NR2F1-AS1: variants seen among roughly 807,000 people sequenced by gnomAD.
NR2F1-AS1 encodes the protein NR2F1 regulatory antisense RNA 1.
At chr5:93,565,982 A>C (rs1398631201) in intron 1 of NR2F1-AS1, among the ~76,000 whole-genome samples, 1 of 151,930 alleles carries the variant, frequency 6.6e-6, no homozygotes, top group Non-Finnish European at 1.5e-5. Context: ...CTGTACTTTA[A>C]ATACATTCAA....
At chr5:93,544,340 G>A (rs187116210) in intron 4 of NR2F1-AS1, among the ~76,000 whole-genome samples, 2 of 152,232 alleles carry the variant, frequency 1.3e-5, no homozygotes, top group South Asian at 2.1e-4. Context: ...TTAGAAGACA[G>A]AAACTTTCAT....
intron 4 of NR2F1-AS1, among the ~76,000 whole-genome samples, chr5:93,435,372 A>G (rs918134710): frequency 6.6e-6 from 1 of 152,178 alleles, no homozygotes; most frequent in African/African-American, 2.4e-5. Flanking sequence ...GACATGTCCC[A>G]TCATAATTGG....
intron 4 of NR2F1-AS1, among the ~76,000 whole-genome samples, chr5:93,547,876 C>T (rs1752125628): frequency 6.6e-6 from 1 of 151,964 alleles, no homozygotes; most frequent in African/African-American, 2.4e-5. Context: ...ATGATATTGA[C>T]AAATACAATA....
At chr5:93,421,561 G>C (rs193028909) in intron 4 of NR2F1-AS1, among the ~76,000 whole-genome samples, 1 of 152,096 alleles carries the variant, frequency 6.6e-6, no homozygotes, top group Non-Finnish European at 1.5e-5. Flanking sequence ...GCCCCTACTC[G>C]GGCTTTTCAG....
At chr5:93,472,518 C>T (rs1750388007) in intron 4 of NR2F1-AS1, among the ~76,000 whole-genome samples, 1 of 151,728 alleles carries the variant, frequency 6.6e-6, no homozygotes, top group Non-Finnish European at 1.5e-5. Flanking sequence ...CATGAATATA[C>T]TCTCACTCAA....
At chr5:93,432,706 C>T (rs1749351913) in intron 4 of NR2F1-AS1, among the ~76,000 whole-genome samples, 1 of 152,192 alleles carries the variant, frequency 6.6e-6, no homozygotes, top group African/African-American at 2.4e-5. Context: ...GGCAGAACTT[C>T]ACAAAGCACC....
At chr5:93,542,477 T>A (rs1468288973) in intron 4 of NR2F1-AS1, 1 of 152,100 alleles carries the variant, frequency 6.6e-6, no homozygotes, top group Non-Finnish European at 1.5e-5. Flanking sequence ...CAACCCCAGT[T>A]CTAACAACTA....
intron 4 of NR2F1-AS1, among the ~76,000 whole-genome samples, chr5:93,534,057 G>C (rs186697392): frequency 6.6e-4 from 101 of 152,276 alleles, no homozygotes; most frequent in Middle Eastern, 3.4e-3. Flanking sequence ...ACTCCAGCCT[G>C]GGGAACGAGC....
intron 4 of NR2F1-AS1, among the ~76,000 whole-genome samples, chr5:93,437,451 G>A (rs1189766868): frequency 6.6e-6 from 1 of 152,056 alleles, no homozygotes; most frequent in Non-Finnish European, 1.5e-5. Context: ...TTTAAATTAT[G>A]TATGTGGCTC....
At chr5:93,582,542 A>C (rs1753126860), upstream of NR2F1-AS1, among the ~76,000 whole-genome samples, 1 of 152,238 alleles carries the variant, frequency 6.6e-6, no homozygotes, top group East Asian at 1.9e-4. Context: ...ATGTGAGAGA[A>C]GAAAACAATC....
intron 4 of NR2F1-AS1, among the ~76,000 whole-genome samples, chr5:93,428,593 T>C (rs574856667): frequency 9.5e-4 from 144 of 152,296 alleles, no homozygotes; most frequent in Non-Finnish European, 1.9e-3. Flanking sequence ...TATTTTAAAA[T>C]CCAAGTGTAT....
chr5:93,443,458 G>A (rs1749620671), intron 4 of NR2F1-AS1, among the ~76,000 whole-genome samples: 1 of 152,234 alleles, frequency 6.6e-6, no homozygotes, highest in South Asian at 2.1e-4. Context: ...AGTGATTGAA[G>A]ATTAAATGAA....
chr5:93,430,191 C>T (rs777823285), intron 4 of NR2F1-AS1, among the ~76,000 whole-genome samples: 4 of 152,212 alleles, frequency 2.6e-5, no homozygotes, highest in Admixed American at 1.3e-4. Flanking sequence ...GTCGATTCTG[C>T]AGCAACTCAA....
At chr5:93,520,112 A>G (rs1047643545) in intron 4 of NR2F1-AS1, among the ~76,000 whole-genome samples, 5 of 152,082 alleles carry the variant, frequency 3.3e-5, no homozygotes, top group Non-Finnish European at 7.4e-5. Flanking sequence ...TCAAAGAGAA[A>G]AATATGATCT....
chr5:93,453,690 G>T (rs893370207), intron 4 of NR2F1-AS1, among the ~76,000 whole-genome samples: 2 of 151,906 alleles, frequency 1.3e-5, no homozygotes, highest in African/African-American at 2.4e-5. Flanking sequence ...AAAAGACAAT[G>T]GAGTGACATC....
intron 4 of NR2F1-AS1, among the ~76,000 whole-genome samples, chr5:93,437,251 G>A (rs552511339): frequency 6.6e-6 from 1 of 152,090 alleles, no homozygotes; most frequent in Admixed American, 6.5e-5. Flanking sequence ...TCCAAATTGA[G>A]ATAAGCCGTA....
chr5:93,557,584 A>C, intron 2 of NR2F1-AS1, among the ~76,000 whole-genome samples: 1 of 152,340 alleles, frequency 6.6e-6, no homozygotes, highest in Admixed American at 6.5e-5. Context: ...TGCTAAAAAA[A>C]AAAATGTGAA....
chr5:93,416,563 T>C (rs1049287152), intron 4 of NR2F1-AS1, among the ~76,000 whole-genome samples: 1 of 152,202 alleles, frequency 6.6e-6, no homozygotes, highest in South Asian at 2.1e-4. Flanking sequence ...GGGAGTTTAT[T>C]ACATGAAAAT....
chr5:93,487,732 G>A (rs780254857), intron 4 of NR2F1-AS1, among the ~76,000 whole-genome samples: 11 of 152,012 alleles, frequency 7.2e-5, no homozygotes, highest in Non-Finnish European at 1.0e-4. Context: ...TCACAGAATT[G>A]GAAAAAACTA....
Sources: gnomAD v4.1 joint callset for allele counts (sites outside exome capture counted in the v4.1 genomes callset) on GRCh38, gnomAD v4.1.1 for gene constraint, MANE v1.5 for transcripts, NCBI Gene and HGNC (gene_info 2026-07-23, HGNC 2026-07-21) for gene names.